Variants in KIF1A observed in about 807,000 individuals in gnomAD.
KIF1A encodes kinesin family member 1A.
Under a neutral mutation model 227.3 loss-of-function variants are expected in KIF1A, and 46 were observed. The ratio of observed to expected loss-of-function variants is 0.20; its 90% confidence interval spans 0.16 to 0.26. The LOEUF (loss-of-function observed/expected upper bound fraction) is 0.26, where lower values mean the gene tolerates loss of function less well. KIF1A is among the 10% of genes least tolerant of loss of function. The pLI is 1.00. For missense variants in KIF1A, 1,683 were observed against 2,485.9 expected (o/e 0.68, Z 6.87); for synonymous variants, 1,022 against 1,012.8 (o/e 1.01, Z -0.17).
rs2055492386 is a variant in KIF1A at position 240,790,230 on chromosome 2, C to T, written c.107-918G>A. 6.6e-6 allele frequency among the ~76,000 whole-genome samples: 1 copy of T among 152,216 alleles called. No homozygotes were observed. The highest frequency in any genetic ancestry group is 1.5e-5 in the Non-Finnish European group (1 of 68,044). On this transcript the variant is annotated intron_variant, in intron 2 of 48. Transcript: ENST00000498729. This position sits in a 1 kb window ranked among gnomAD's most constrained non-coding sequence, Gnocchi z 5.0. ...ACCCAGAATTGGTGTTGACAGAGGC[C>T]TGGAGGCCTGAGGCAGTCCCCTCCC...
intron 10 of KIF1A, among the ~76,000 whole-genome samples, chr2:240,781,563 G>A (rs926812976): frequency 6.6e-6 from 1 of 151,410 alleles, no homozygotes; most frequent in Non-Finnish European, 1.5e-5. Context: ...ATCGTTCTCC[G>A]CTTCCTCCCC....
intron 17 of KIF1A, 84 bp downstream of exon 17, chr2:240,769,049 G>C (rs2051580780): frequency 1.9e-5 from 23 of 1,220,984 alleles, no homozygotes; most frequent in Non-Finnish European, 2.7e-5. Flanking sequence ...ACTTCCAGGA[G>C]CCCCCTCTGG....
intron 2 of KIF1A, among the ~76,000 whole-genome samples, chr2:240,794,819 G>A (rs1389433446): frequency 6.6e-6 from 1 of 152,144 alleles, no homozygotes; most frequent in African/African-American, 2.4e-5. Flanking sequence ...CCGGCAACCT[G>A]GGGCCCTGGC....
At chr2:240,745,103 G>A (rs1331557364) in intron 32 of KIF1A, among the ~76,000 whole-genome samples, 1 of 152,092 alleles carries the variant, frequency 6.6e-6, no homozygotes, top group Non-Finnish European at 1.5e-5. Flanking sequence ...ACCCAAGCCA[G>A]GGCTGCCCTG....
chr2:240,807,061 T>C (rs1222714731), intron 1 of KIF1A, among the ~76,000 whole-genome samples: 2 of 149,896 alleles, frequency 1.3e-5, no homozygotes, highest in Non-Finnish European at 3.0e-5. Context: ...GCATTTGACC[T>C]ACACATCCTC....
intron 14 of KIF1A, among the ~76,000 whole-genome samples, chr2:240,771,906 C>T (rs563100384): frequency 3.9e-4 from 60 of 152,270 alleles, no homozygotes; most frequent in Admixed American, 1.0e-3. Flanking sequence ...GGTCTCCTAG[C>T]GGAAGCGAAC....
At chr2:240,735,762 G>A (rs1436463938) in intron 38 of KIF1A, among the ~76,000 whole-genome samples, 3 of 152,170 alleles carry the variant, frequency 2.0e-5, no homozygotes, top group Non-Finnish European at 2.9e-5. Flanking sequence ...AGCAAGGCAC[G>A]GGGAAGCCCC....
chr2:240,773,292 A>C, intron 12 of KIF1A, 36 bp from the exon 13 acceptor site: 1 of 1,612,426 alleles, frequency 6.2e-7, no homozygotes, highest in Non-Finnish European at 8.5e-7. Context: ...TGTGCTCGGG[A>C]CAGGTCCACA....
rs991371327 is a variant in KIF1A at position 240,774,058 on chromosome 2, G to A, written c.1037+125C>T. 1.3e-4 allele frequency: 76 copies of A among 582,974 alleles called. No homozygotes were observed. In the East Asian group the frequency reaches 2.2e-3, roughly 17 times the overall value. 36.1% of individuals were successfully genotyped at this position (582,974 alleles called of 1,614,324 possible). ...GAACAGTCTCTTCCAGCCTCACAGA[G>A]TCCAGGGTATACCCCTCACAAAGAG... On this transcript the variant is annotated intron_variant, in intron 12 of 48. Coordinates refer to ENST00000498729, the MANE Select transcript of KIF1A (RefSeq NM_001244008.2).
chr2:240,817,760 G>A (rs1440929622), intron 1 of KIF1A, among the ~76,000 whole-genome samples: 5 of 151,878 alleles, frequency 3.3e-5, no homozygotes, highest in African/African-American at 9.7e-5. Context: ...GTCTCCTCCA[G>A]GGCCTCCTCC....
At chr2:240,764,746 C>T (rs992092983) in intron 20 of KIF1A, among the ~76,000 whole-genome samples, 8 of 152,178 alleles carry the variant, frequency 5.3e-5, no homozygotes, top group Admixed American at 5.2e-4. Context: ...ACATGTGCTC[C>T]ACACCTGCAA....
Position 240,773,396 on chromosome 2 carries a change from C to T in KIF1A, c.1038-140G>A, listed in dbSNP as rs551087332. 3.3e-5 allele frequency: 34 copies of T among 1,029,008 alleles called. 1 individual carries two copies. The East Asian group carries it at 6.9e-4, about 21-fold the overall frequency. The allele number at this position is 1,029,008 out of a possible 1,614,324, so 63.7% of individuals were successfully genotyped here. A position where few individuals can be genotyped will look rare whatever the true frequency, so the allele number is the denominator to read the frequency against. On this transcript the variant is annotated intron_variant, in intron 12 of 48. Coordinates refer to ENST00000498729, the MANE Select transcript of KIF1A (RefSeq NM_001244008.2). ...AAAGGTGGACCTGAGCCAGCACAGC[C>T]TGGCACAGAGTGAGAAATCGCCCCC...
At chr2:240,755,394 G>A (rs999717612) in intron 27 of KIF1A, among the ~76,000 whole-genome samples, 1 of 152,232 alleles carries the variant, frequency 6.6e-6, no homozygotes, top group Non-Finnish European at 1.5e-5. Context: ...TTGGTGAGGT[G>A]CAAAGACGCA....
At chr2:240,806,869 A>C (rs1459161870) in intron 1 of KIF1A, among the ~76,000 whole-genome samples, 9 of 152,146 alleles carry the variant, frequency 5.9e-5, no homozygotes, top group Non-Finnish European at 8.8e-5. Flanking sequence ...TCCACCATAC[A>C]TTTGTTTAAA....
At chr2:240,812,439 G>A (rs73104623) in intron 1 of KIF1A, among the ~76,000 whole-genome samples, 7,472 of 152,288 alleles carry the variant, frequency 0.049, 565 homozygotes, top group African/African-American at 0.17. Context: ...GAGCCCAGAC[G>A]CCCTTCACCT....
rs374164102 is a variant in KIF1A, at chr2:240,767,047, C to T, written c.1578-26G>A. ...CTGCGGGGTGGGGGCACCATCAGCA[C>T]GGCAGCTGGGACCCAATACACCCAG... is the stretch of plus-strand genomic sequence containing the variant. On this transcript the variant is annotated intron_variant, in intron 18 of 48. Transcript: ENST00000498729. 9.1e-4 allele frequency: 1,410 copies of T among 1,555,636 alleles called. 1 individual carries two copies. The highest frequency in any genetic ancestry group is 1.2e-3 in the Non-Finnish European group (1,314 of 1,137,640).
At chr2:240,765,300 G>A (rs1245081096) in intron 20 of KIF1A, among the ~76,000 whole-genome samples, 2 of 152,226 alleles carry the variant, frequency 1.3e-5, no homozygotes, top group East Asian at 3.8e-4. Context: ...TTCAGAGACT[G>A]GAGCAGCCCA....
At chr2:240,795,741 T>A (rs1027121659) in intron 2 of KIF1A, among the ~76,000 whole-genome samples, 1 of 152,160 alleles carries the variant, frequency 6.6e-6, no homozygotes, top group Admixed American at 6.5e-5. Flanking sequence ...AGGGTGCCAC[T>A]CGCCCACCCT....
rs2055241778 is a variant in KIF1A at position 240,788,617 on chromosome 2, C to T, written c.184-387G>A. ...AGACCCCACAGGCTGGGCTACAGCG[C>T]CTGGACACTGTCCTGAGGACAGTGG... On this transcript the variant is annotated intron_variant, in intron 3 of 48. Coordinates refer to ENST00000498729, the MANE Select transcript of KIF1A (RefSeq NM_001244008.2). The surrounding 1 kb of genome is among the most constrained non-coding windows in gnomAD (Gnocchi z 6.6). Among the ~76,000 whole-genome samples, 1 of 152,040 alleles carries T rather than the reference C, an allele frequency of 6.6e-6. No homozygotes were observed. Among genetic ancestry groups the T allele is most frequent in the African/African-American group, 2.4e-5 (1 of 41,388 alleles).
Sources: allele counts gnomAD v4.1 joint callset (sites outside exome capture counted in the v4.1 genomes callset), GRCh38; gene constraint gnomAD v4.1.1; non-coding constraint Gnocchi (gnomAD v3.1); transcripts MANE v1.5; gene names NCBI Gene and HGNC (gene_info 2026-07-23, HGNC 2026-07-21).